The following XPO6 variants were observed in gnomAD, a reference collection of about 807,000 sequenced individuals.
The protein encoded by XPO6 is exportin-6.
A neutral mutation model predicts 130.0 loss-of-function variants in XPO6; 3 were observed. That is an observed-to-expected ratio of 0.02 (90% CI 0.01 to 0.06). The LOEUF (loss-of-function observed/expected upper bound fraction) is 0.06, where lower values mean the gene tolerates loss of function less well. Ranked by LOEUF, XPO6 falls within the 10% of genes least tolerant of loss-of-function variation. The probability of loss-of-function intolerance (pLI) is 1.00; values close to 1 mark genes in which losing one functional copy is unlikely to be tolerated. For synonymous variants in XPO6, 524 were observed against 548.9 expected, an observed-to-expected ratio of 0.95 and a Z score of 0.63; for missense variants, 970 against 1,393.0, an observed-to-expected ratio of 0.70 and a Z score of 4.83.
intron 6 of XPO6, among the ~76,000 whole-genome samples, chr16:28,163,783 AG>A (rs1487764027): frequency 1.3e-5 from 2 of 152,340 alleles, no homozygotes; most frequent in African/African-American, 4.8e-5. Context: ...CGACCAAGAA[AG>A]CAAAGCTAGG....
At chr16:28,150,649 C>T (rs1479758098) in intron 8 of XPO6, among the ~76,000 whole-genome samples, 1 of 152,092 alleles carries the variant, frequency 6.6e-6, no homozygotes, top group Non-Finnish European at 1.5e-5. Context: ...ACCAGAAGAC[C>T]CCATTTTACA....
At chr16:28,103,113 C>A (rs1010205389) in intron 21 of XPO6, among the ~76,000 whole-genome samples, 5 of 152,190 alleles carry the variant, frequency 3.3e-5, no homozygotes, top group African/African-American at 9.7e-5. Flanking sequence ...CCATCACAAC[C>A]AAGACAGGAC....
chr16:28,130,018 G>A (rs2042634143), intron 12 of XPO6, among the ~76,000 whole-genome samples: 2 of 152,232 alleles, frequency 1.3e-5, no homozygotes, highest in African/African-American at 2.4e-5. Flanking sequence ...TGACCTGCCA[G>A]GAGCCAGAGC....
chr16:28,107,749 G>A, intron 17 of XPO6, 72 bp from the exon 18 acceptor site: 1 of 1,563,920 alleles, frequency 6.4e-7, no homozygotes, highest in South Asian at 1.1e-5. Flanking sequence ...ACACAAGGGA[G>A]AGGGAGGAAA....
chr16:28,106,057 G>A lies in XPO6; in HGVS notation c.2770C>T (p.Pro924Ser). Residue 924 changes from proline to serine, a missense_variant, in exon 20 of 24, where the codon CCC (proline) becomes TCC (serine). By Grantham distance (74) the Pro-to-Ser change is moderately conservative. Around this residue, in one of 4 missense-constraint regions of XPO6, gnomAD observed 936 missense variants for 1,306.8 expected, o/e 0.72. Transcript: ENST00000304658. The surrounding 1 kb of genome is among the most constrained non-coding windows in gnomAD (Gnocchi z 4.2). ...IIALCMEQVY[P>S]IIAERPSPDV... ...TGAGCCCCTACCTCGGCAATGATGGGATACACTTGCTCCATGCACAGGGCG... is the reference window on the plus strand; with the variant it reads ...TGAGCCCCTACCTCGGCAATGATGGAATACACTTGCTCCATGCACAGGGCG... The A allele has an allele frequency of 6.2e-7, 1 of 1,614,058 alleles. No individual in the cohort carries two copies. Among genetic ancestry groups the A allele is most frequent in the Non-Finnish European group, 8.5e-7 (1 of 1,179,918 alleles).
intron 3 of XPO6, among the ~76,000 whole-genome samples, chr16:28,176,699 G>A (rs541151377): frequency 2.0e-5 from 3 of 149,100 alleles, no homozygotes; most frequent in South Asian, 2.1e-4. Context: ...TAGTAGAGAC[G>A]GGGTTTCACC....
chr16:28,134,246 G>T (rs913658789), intron 10 of XPO6, among the ~76,000 whole-genome samples: 1 of 152,152 alleles, frequency 6.6e-6, no homozygotes, highest in African/African-American at 2.4e-5. Flanking sequence ...TTCTGACACG[G>T]TCCACTACTG....
At position 28,169,611 on chromosome 16, in the gene XPO6, G is replaced by A. The variant is rs143293739; in HGVS notation, c.565+139C>T. On this transcript the variant is annotated intron_variant, in intron 5 of 23. Transcript: ENST00000304658. The stretch of plus-strand genomic sequence containing the variant: ...CTGTGTGCTAGACCCTGGGCTATAG[G>A]TGTTGGGAACGCAGCTTCCCATTTT... The A allele has an allele frequency of 1.1e-3, 1,122 of 1,014,986 alleles. 9 individuals carry two copies. In the African/African-American group the frequency reaches 0.016, roughly 15 times the overall value. 62.9% of individuals were successfully genotyped at this position (1,014,986 alleles called of 1,614,324 possible). A position where few individuals can be genotyped will look rare whatever the true frequency, so the allele number is the denominator to read the frequency against.
chr16:28,118,936 G>A (rs1238258622), intron 14 of XPO6, among the ~76,000 whole-genome samples: 2 of 152,194 alleles, frequency 1.3e-5, no homozygotes, highest in African/African-American at 4.8e-5. Flanking sequence ...GGGGAAAACG[G>A]ATAGGATTGC....
At chr16:28,112,531 G>C (rs1327349148) in intron 16 of XPO6, among the ~76,000 whole-genome samples, 3 of 152,186 alleles carry the variant, frequency 2.0e-5, no homozygotes, top group Admixed American at 1.3e-4. Context: ...AAATGCACTT[G>C]CCTGGCACTT....
At chr16:28,185,892 T>C (rs1192073229) in intron 1 of XPO6, among the ~76,000 whole-genome samples, 2 of 152,206 alleles carry the variant, frequency 1.3e-5, no homozygotes, top group African/African-American at 2.4e-5. Context: ...TGCATAGATC[T>C]AAAACAAACC....
At chr16:28,146,991 T>C (rs1284628485) in intron 8 of XPO6, among the ~76,000 whole-genome samples, 3 of 152,208 alleles carry the variant, frequency 2.0e-5, no homozygotes, top group Admixed American at 1.3e-4. Flanking sequence ...GTTCAACTTG[T>C]GGCTCCAAAC....
chr16:28,103,310 T>C (rs939136958), intron 21 of XPO6, among the ~76,000 whole-genome samples: 3 of 152,206 alleles, frequency 2.0e-5, no homozygotes, highest in African/African-American at 7.2e-5. Context: ...ATGCTGCTGA[T>C]TGTACCAAGA....
chr16:28,130,511 G>A (rs1025423894), intron 12 of XPO6, among the ~76,000 whole-genome samples: 2 of 152,210 alleles, frequency 1.3e-5, no homozygotes, highest in South Asian at 4.1e-4. Flanking sequence ...AATAGCCTTT[G>A]CACTGGAAAC....
Position 28,139,425 on chromosome 16 carries a change from G to A in XPO6, c.1335-4101C>T, listed in dbSNP as rs547208105. Reference sequence around the variant, plus strand: ...ATGGTAGCCCAATCTAACTAATAGAGAAGGTAAACAATATGAGAAAGAAAC... The same window carrying A: ...ATGGTAGCCCAATCTAACTAATAGAAAAGGTAAACAATATGAGAAAGAAAC... On this transcript the variant is annotated intron_variant, in intron 9 of 23. Coordinates refer to ENST00000304658, the MANE Select transcript of XPO6 (RefSeq NM_015171.4). 3.3e-5 allele frequency among the ~76,000 whole-genome samples: 5 copies of A among 152,298 alleles called. No individual in the cohort carries two copies. In the South Asian group the frequency reaches 6.2e-4, roughly 19 times the overall value.
chr16:28,207,913 G>A (rs754756208), intron 1 of XPO6, among the ~76,000 whole-genome samples: 6 of 152,222 alleles, frequency 3.9e-5, no homozygotes, highest in Non-Finnish European at 7.3e-5. Context: ...GGGAGGCCAA[G>A]GCGAGTGGAT....
At chr16:28,166,859 C>A in intron 5 of XPO6, 1 of 975,654 alleles carries the variant, frequency 1.0e-6, no homozygotes, top group South Asian at 4.7e-5. Flanking sequence ...TGCATGCACT[C>A]ACTGGTCACT....
chr16:28,206,581 C>G (rs2044034700), intron 1 of XPO6, among the ~76,000 whole-genome samples: 1 of 151,972 alleles, frequency 6.6e-6, no homozygotes, highest in East Asian at 1.9e-4. Context: ...AATATAAAAA[C>G]CAATAACAAA....
In XPO6 at chr16:28,174,430, G is replaced by A. The variant is rs58329866; in HGVS notation, c.405+1468C>T. Among the ~76,000 whole-genome samples the A allele has an allele frequency of 5.3e-5, 8 of 152,148 alleles. No individual in the cohort carries two copies. In the East Asian group the frequency reaches 1.5e-3, roughly 29 times the overall value. On this transcript the variant is annotated intron_variant, in intron 4 of 23. Coordinates refer to ENST00000304658, the MANE Select transcript of XPO6 (RefSeq NM_015171.4). ...ACCTCCAAGTGTGTACCTGTTTATT[G>A]TTCGTTGATGCCCTCATCCCCGCCC... is the stretch of plus-strand genomic sequence containing the variant.
Sources: gnomAD v4.1 joint callset for allele counts (sites outside exome capture counted in the v4.1 genomes callset) on GRCh38, gnomAD v4.1.1 for gene constraint, gnomAD v4.1.1 regional missense constraint, Gnocchi (gnomAD v3.1) non-coding constraint, MANE v1.5 for transcripts, NCBI Gene and HGNC (gene_info 2026-07-23, HGNC 2026-07-21) for gene names.